The following SPTAN1 variants were observed in gnomAD, a reference collection of about 807,000 sequenced individuals.
The protein encoded by SPTAN1 is spectrin alpha, non-erythrocytic 1.
A neutral mutation model predicts 331.3 loss-of-function variants in SPTAN1; 61 were observed. The observed-to-expected ratio is 0.18, with a 90% CI of 0.15 to 0.23. The LOEUF is 0.23. SPTAN1 is among the 10% of genes least tolerant of loss of function. The probability of loss-of-function intolerance (pLI) is 1.00; values close to 1 mark genes in which losing one functional copy is unlikely to be tolerated. For missense variants in SPTAN1, 2,043 were observed against 3,147.9 expected, an observed-to-expected ratio of 0.65 and a Z score of 8.40; for synonymous variants, 1,153 against 1,173.9, an observed-to-expected ratio of 0.98 and a Z score of 0.36.
chr9:128,583,757 A>T (rs1390029613), intron 15 of SPTAN1, 31 bp from the exon 16 acceptor site: 1 of 1,612,824 alleles, frequency 6.2e-7, no homozygotes, highest in African/African-American at 1.3e-5. Flanking sequence ...AATGCTAAGC[A>T]GTACAAAATT....
intron 1 of SPTAN1, among the ~76,000 whole-genome samples, chr9:128,563,830 G>T (rs1849691074): frequency 6.6e-6 from 1 of 151,516 alleles, no homozygotes; most frequent in Admixed American, 6.6e-5. Context: ...TAGAGCCAGG[G>T]TTTAGCCATA....
In SPTAN1 at chr9:128,612,196, C is replaced by G; in HGVS notation, c.4993C>G (p.Gln1665Glu). The G allele has an allele frequency of 1.2e-6, 2 of 1,614,112 alleles. No individual in the cohort carries two copies. The highest frequency in any genetic ancestry group is 1.7e-6 in the Non-Finnish European group (2 of 1,180,040). ...CCAGAAACTGAAAGAAGCCAACAAGCAGCAGAACTTCAACACAGGGATCAA... is the reference window on the plus strand; with the variant it reads ...CCAGAAACTGAAAGAAGCCAACAAGGAGCAGAACTTCAACACAGGGATCAA... ...KSQKLKEANK[Q>E]QNFNTGIKDF... Residue 1665 changes from glutamine (Q) to glutamate (E), a missense_variant, in exon 39 of 57, where the codon CAG (glutamine) becomes GAG (glutamate). By Grantham distance (29) the Gln-to-Glu change is conservative. Around this residue, in one of 12 missense-constraint regions of SPTAN1, gnomAD observed 323 missense variants for 581.1 expected, o/e 0.56. Coordinates refer to ENST00000372739, the MANE Select transcript of SPTAN1 (RefSeq NM_001130438.3).
intron 34 of SPTAN1, 50 bp from the exon 35 acceptor site, chr9:128,608,824 A>C: frequency 1.3e-6 from 2 of 1,549,504 alleles, no homozygotes. Flanking sequence ...CAGTCCAGGC[A>C]GGGCCCAGCC....
chr9:128,581,647 G>T, intron 11 of SPTAN1, 135 bp from the exon 12 acceptor site: 1 of 762,478 alleles, frequency 1.3e-6, no homozygotes. Context: ...CTTCCTAGAA[G>T]AGATCTTAGA....
At chr9:128,581,479 AAAAAAAAAAC>A (rs1264909576) in intron 11 of SPTAN1, among the ~76,000 whole-genome samples, 2 of 151,224 alleles carry the variant, frequency 1.3e-5, no homozygotes, top group Admixed American at 6.6e-5. Flanking sequence ...TCTCACAAAA[AAAAAAAAAAC>A]AAACAAAAAA....
At chr9:128,633,061 C>T in intron 56 of SPTAN1, 106 bp downstream of exon 56, 1 of 1,592,182 alleles carries the variant, frequency 6.3e-7, no homozygotes, top group Non-Finnish European at 8.5e-7. Flanking sequence ...GGTATTCTCC[C>T]CATTTACAAA....
At chr9:128,561,395 G>A (rs1392165739) in intron 1 of SPTAN1, among the ~76,000 whole-genome samples, 2 of 149,758 alleles carry the variant, frequency 1.3e-5, no homozygotes, top group African/African-American at 2.5e-5. Context: ...CAGGCGCGGT[G>A]GCTCACGCCT....
At position 128,611,788 on chromosome 9, in the gene SPTAN1, C is replaced by T; in HGVS notation, c.4848C>T (p.Asp1616=). The change falls in exon 38 of 57, where the codon GAC becomes GAT. Residue 1616 remains aspartate, a synonymous_variant. Coordinates refer to ENST00000372739, the MANE Select transcript of SPTAN1 (RefSeq NM_001130438.3). ...ANADRIRGVI[D]MGNSLIERGA... is the part of the protein sequence containing the mutation. ...CTGACCGGATCCGTGGGGTTATCGACATGGGCAACTCCCTCATTGAACGTG... is the reference window on the plus strand; with the variant it reads ...CTGACCGGATCCGTGGGGTTATCGATATGGGCAACTCCCTCATTGAACGTG... 1.2e-6 allele frequency: 2 copies of T among 1,614,184 alleles called. No homozygotes were observed. The highest frequency in any genetic ancestry group is 1.7e-6 in the Non-Finnish European group (2 of 1,180,028).
chr9:128,582,007 T>G, intron 12 of SPTAN1, 115 bp downstream of exon 12: 1 of 804,134 alleles, frequency 1.2e-6, no homozygotes, highest in Non-Finnish European at 2.2e-6. Context: ...AGTACTCCTG[T>G]GGGTGCTTAA....
chr9:128,632,046 C>T (rs1859834113), intron 52 of SPTAN1, 81 bp from the exon 53 acceptor site: 2 of 1,471,202 alleles, frequency 1.4e-6, no homozygotes, highest in Non-Finnish European at 1.9e-6. Context: ...GGAGCAGGAA[C>T]CAGAGGGCAG....
intron 27 of SPTAN1, among the ~76,000 whole-genome samples, chr9:128,600,496 C>T (rs533502812): frequency 9.9e-5 from 15 of 152,232 alleles, no homozygotes; most frequent in African/African-American, 3.6e-4. Context: ...GCCTCTTTAT[C>T]CTGTGGCCTA....
At position 128,585,732 on chromosome 9, in the gene SPTAN1, C is replaced by T. The variant is rs1351410883; in HGVS notation, c.2561-16C>T. ...AACGTAGTTTTTGTTATCCTCTTTCCCTACCCATCTTCCAGGCCATTTTGC... is the reference window on the plus strand; with the variant it reads ...AACGTAGTTTTTGTTATCCTCTTTCTCTACCCATCTTCCAGGCCATTTTGC... On this transcript the variant is annotated splice_polypyrimidine_tract_variant and intron_variant, in intron 18 of 56. Transcript: ENST00000372739. 1 of 1,610,558 alleles carries T rather than the reference C, an allele frequency of 6.2e-7. No homozygotes were observed. Among genetic ancestry groups the T allele is most frequent in the African/African-American group, 1.3e-5 (1 of 74,836 alleles).
At chr9:128,590,645 A>G (rs370404365) in intron 21 of SPTAN1, among the ~76,000 whole-genome samples, 4 of 151,368 alleles carry the variant, frequency 2.6e-5, no homozygotes. Flanking sequence ...TGGTCAGGAG[A>G]TTGAGACCAT....
chr9:128,587,079 G>T (rs1473486550), intron 19 of SPTAN1, among the ~76,000 whole-genome samples: 1 of 150,440 alleles, frequency 6.6e-6, no homozygotes, highest in African/African-American at 2.5e-5. Flanking sequence ...CCTCAGCCTC[G>T]CAAAGTCCTG....
chr9:128,600,231 C>G (rs1282965721), intron 27 of SPTAN1, 116 bp downstream of exon 27: 1 of 1,133,486 alleles, frequency 8.8e-7, no homozygotes, highest in African/African-American at 1.5e-5. Flanking sequence ...CATTTCTGGA[C>G]TTGTTTGGGC....
intron 3 of SPTAN1, among the ~76,000 whole-genome samples, chr9:128,573,745 C>A (rs546949505): frequency 6.6e-6 from 1 of 152,044 alleles, no homozygotes; most frequent in East Asian, 1.9e-4. Context: ...TGAGCCACTG[C>A]GCCCAGCCCT....
At chr9:128,612,332 A>T (rs901579751) in intron 39 of SPTAN1, 86 bp downstream of exon 39, 32 of 1,562,612 alleles carry the variant, frequency 2.0e-5, no homozygotes, top group Non-Finnish European at 5.3e-6. Flanking sequence ...AAACCACGAA[A>T]AGGCAGGGCT....
intron 45 of SPTAN1, 80 bp downstream of exon 45, chr9:128,621,336 C>A: frequency 7.9e-7 from 1 of 1,270,142 alleles, no homozygotes; most frequent in South Asian, 1.2e-5. Context: ...CCCCAAAGTT[C>A]ACTTCCTGGG....
intron 45 of SPTAN1, among the ~76,000 whole-genome samples, chr9:128,623,321 C>T (rs183701883): frequency 1.3e-5 from 2 of 151,724 alleles, no homozygotes; most frequent in South Asian, 2.1e-4. Flanking sequence ...GTGATTCTCT[C>T]GCCTTGTGCT....
Sources: gnomAD v4.1 joint callset for allele counts (sites outside exome capture counted in the v4.1 genomes callset) on GRCh38, gnomAD v4.1.1 for gene constraint, gnomAD v4.1.1 regional missense constraint, MANE v1.5 for transcripts, NCBI Gene and HGNC (gene_info 2026-07-23, HGNC 2026-07-21) for gene names.